PTK2: variants seen among roughly 807,000 people sequenced by gnomAD.
PTK2 encodes the protein focal adhesion kinase 1.
In PTK2, 45 loss-of-function variants were observed where a neutral mutation model predicts 150.1. The ratio of observed to expected loss-of-function variants is 0.30; its 90% confidence interval spans 0.24 to 0.38. PTK2 has a LOEUF of 0.38. Among genes scored for constraint, PTK2 ranks in the 10% least tolerant of loss-of-function variants. The pLI, the probability that PTK2 is intolerant of heterozygous loss-of-function variation, is 1.00. For missense variants in PTK2, 919 were observed against 1,307.3 expected, an observed-to-expected ratio of 0.70 and a Z score of 4.58; for synonymous variants, 432 against 449.2, an observed-to-expected ratio of 0.96 and a Z score of 0.48.
intron 14 of PTK2, 60 bp downstream of exon 14, chr8:140,789,414 T>C (rs369668201): frequency 5.0e-4 from 742 of 1,491,156 alleles, no homozygotes; most frequent in Non-Finnish European, 5.9e-4. Flanking sequence ...AAAATAGACA[T>C]CTATGATCGT....
chr8:140,684,968 A>G (rs1173840115), intron 27 of PTK2, among the ~76,000 whole-genome samples: 1 of 152,196 alleles, frequency 6.6e-6, no homozygotes, highest in East Asian at 1.9e-4. Context: ...AAAGCTGAGG[A>G]CTTTACATTA....
intron 11 of PTK2, among the ~76,000 whole-genome samples, chr8:140,801,481 G>T (rs1365606296): frequency 6.6e-6 from 1 of 152,180 alleles, no homozygotes; most frequent in South Asian, 2.1e-4. Flanking sequence ...GACTGTTTGG[G>T]TATGAACCCC....
At chr8:140,936,382 T>C (rs2100173628) in intron 1 of PTK2, among the ~76,000 whole-genome samples, 1 of 152,160 alleles carries the variant, frequency 6.6e-6, no homozygotes, top group Admixed American at 6.5e-5. Context: ...TCACGAAGTC[T>C]ACAACAAGGT....
chr8:140,764,671 T>C, intron 14 of PTK2: 1 of 331,782 alleles, frequency 3.0e-6, no homozygotes, highest in Non-Finnish European at 5.4e-6. Context: ...TTTCTCCAAA[T>C]AAGACTGGTA....
chr8:140,799,918 C>T (rs1344646768), intron 12 of PTK2, among the ~76,000 whole-genome samples: 1 of 152,148 alleles, frequency 6.6e-6, no homozygotes, highest in Admixed American at 6.5e-5. Context: ...AATCCAAATC[C>T]TCAAAAGCAT....
chr8:140,930,184 GAATA>G (rs1358142575), intron 1 of PTK2, among the ~76,000 whole-genome samples: 1 of 152,102 alleles, frequency 6.6e-6, no homozygotes, highest in Non-Finnish European at 1.5e-5. Context: ...GAAGGGGAAT[GAATA>G]AATAAACCTC....
chr8:140,807,512 G>A (rs1038154677), intron 10 of PTK2, among the ~76,000 whole-genome samples: 4 of 152,184 alleles, frequency 2.6e-5, no homozygotes, highest in African/African-American at 9.7e-5. Context: ...CAAAAAGAGA[G>A]GGAAAGAGCA....
intron 1 of PTK2, among the ~76,000 whole-genome samples, chr8:140,967,691 C>T (rs1275873287): frequency 2.0e-5 from 3 of 152,114 alleles, no homozygotes; most frequent in Non-Finnish European, 2.9e-5. Context: ...AACTCCTGAC[C>T]TCGTGATCTG....
At chr8:140,904,764 A>G (rs905790925) in intron 2 of PTK2, among the ~76,000 whole-genome samples, 1 of 152,142 alleles carries the variant, frequency 6.6e-6, no homozygotes, top group African/African-American at 2.4e-5. Flanking sequence ...CATTTCTTCT[A>G]GATTTTCTAG....
At chr8:140,806,397 C>A (rs115921787) in intron 10 of PTK2, among the ~76,000 whole-genome samples, 1 of 152,008 alleles carries the variant, frequency 6.6e-6, no homozygotes, top group Non-Finnish European at 1.5e-5. Flanking sequence ...CATGCACGTA[C>A]GTAACAGAGG....
chr8:140,962,773 T>C, intron 1 of PTK2, among the ~76,000 whole-genome samples: 1 of 149,064 alleles, frequency 6.7e-6, no homozygotes. Flanking sequence ...AGAGCGAGAC[T>C]CCCTCAAAAA....
intron 10 of PTK2, among the ~76,000 whole-genome samples, chr8:140,811,857 G>T (rs1227431064): frequency 6.6e-6 from 1 of 152,128 alleles, no homozygotes; most frequent in Non-Finnish European, 1.5e-5. Flanking sequence ...AGTCAGAAAA[G>T]AATAGAGAAA....
chr8:140,801,142 C>T (rs1001911177), intron 11 of PTK2, among the ~76,000 whole-genome samples: 4 of 152,162 alleles, frequency 2.6e-5, no homozygotes, highest in African/African-American at 9.7e-5. Flanking sequence ...TCAGATGTCA[C>T]CAAACTCACA....
chr8:140,750,194 C>T (rs1331051040), intron 17 of PTK2: 2 of 152,202 alleles, frequency 1.3e-5, no homozygotes, highest in Admixed American at 6.5e-5. Flanking sequence ...GTAGTCACCA[C>T]ATGGCTTACT....
intron 2 of PTK2, among the ~76,000 whole-genome samples, chr8:140,917,580 G>A (rs551251758): frequency 4.5e-4 from 68 of 152,290 alleles, no homozygotes; most frequent in African/African-American, 1.5e-3. Context: ...ATTTCTGACA[G>A]CTGAATGATC....
At chr8:140,810,379 A>C (rs2100100743) in intron 10 of PTK2, among the ~76,000 whole-genome samples, 3 of 152,194 alleles carry the variant, frequency 2.0e-5, no homozygotes. Context: ...GAAGGGGGTT[A>C]GTCTGACCTG....
At chr8:140,960,473 G>A (rs2100182760) in intron 1 of PTK2, among the ~76,000 whole-genome samples, 2 of 152,118 alleles carry the variant, frequency 1.3e-5, no homozygotes, top group African/African-American at 2.4e-5. Context: ...GCCTCCCAGT[G>A]TTGGGATTAC....
intron 24 of PTK2, among the ~76,000 whole-genome samples, chr8:140,703,540 T>C (rs1248949800): frequency 6.6e-6 from 1 of 152,214 alleles, no homozygotes; most frequent in Non-Finnish European, 1.5e-5. Flanking sequence ...AAAATGTCTG[T>C]GCCATACTTT....
chr8:140,769,646 G>C (rs1261136498), intron 14 of PTK2, 54 bp from the exon 16 acceptor site: 8 of 1,235,360 alleles, frequency 6.5e-6, no homozygotes, highest in Non-Finnish European at 8.7e-6. Context: ...GAGGGAGGGA[G>C]ACATAGGAAG....
Sources: gnomAD v4.1 joint callset for allele counts (sites outside exome capture counted in the v4.1 genomes callset) on GRCh38, gnomAD v4.1.1 for gene constraint, MANE v1.5 for transcripts, NCBI Gene and HGNC (gene_info 2026-07-23, HGNC 2026-07-21) for gene names.